APBA1: variants seen among roughly 807,000 people sequenced by gnomAD.
APBA1 encodes amyloid-beta A4 precursor protein-binding family A member 1.
APBA1 carries 55 observed loss-of-function variants against 86.6 expected under a neutral mutation model. The ratio of observed to expected loss-of-function variants is 0.64; its 90% CI spans 0.51 to 0.80. APBA1 has a LOEUF of 0.80. APBA1 is among the 30% of genes least tolerant of loss of function. APBA1 has a pLI of 0.00. For synonymous variants in APBA1, 511 were observed against 493.9 expected (o/e 1.03, Z -0.46); for missense variants, 1,090 against 1,183.0 (o/e 0.92, Z 1.15).
chr9:69,568,055 G>T (rs1016658532), intron 1 of APBA1, among the ~76,000 whole-genome samples: 1 of 152,164 alleles, frequency 6.6e-6, no homozygotes, highest in Non-Finnish European at 1.5e-5. Context: ...GTAAGTATGA[G>T]AAATGACATA....
intron 1 of APBA1, among the ~76,000 whole-genome samples, chr9:69,538,207 A>G (rs1288436284): frequency 1.3e-5 from 2 of 152,246 alleles, no homozygotes; most frequent in Non-Finnish European, 2.9e-5. Context: ...TCTAAAATCA[A>G]TTTAAGCAAT....
intron 1 of APBA1, among the ~76,000 whole-genome samples, chr9:69,548,408 G>C (rs1019364218): frequency 1.3e-5 from 2 of 152,256 alleles, no homozygotes; most frequent in East Asian, 3.9e-4. Context: ...TAAGATAATA[G>C]GTTTTTGTTG....
intron 11 of APBA1, among the ~76,000 whole-genome samples, chr9:69,433,297 A>C (rs922811873): frequency 3.9e-5 from 6 of 152,220 alleles, no homozygotes; most frequent in African/African-American, 7.2e-5. Context: ...GGCGGGGCTG[A>C]TGCGCCCTCC....
chr9:69,585,403 A>G (rs186192803), intron 1 of APBA1, among the ~76,000 whole-genome samples: 8 of 152,316 alleles, frequency 5.3e-5, no homozygotes, highest in Admixed American at 4.6e-4. Flanking sequence ...GGCTCAAGGA[A>G]AGGGGTGTGT....
chr9:69,534,867 A>G (rs1836485215), intron 1 of APBA1, among the ~76,000 whole-genome samples: 1 of 152,172 alleles, frequency 6.6e-6, no homozygotes, highest in African/African-American at 2.4e-5. Context: ...ATGAGGATAT[A>G]GCTCACTTAA....
At chr9:69,654,112 CA>C (rs34666773) in intron 1 of APBA1, among the ~76,000 whole-genome samples, 17,131 of 60,250 alleles carry the variant, frequency 0.28, 597 homozygotes, top group South Asian at 0.33. Context: ...AACTCCATCT[CA>C]AAAAAAAAAA....
At chr9:69,443,952 G>A (rs548459192) in intron 10 of APBA1, among the ~76,000 whole-genome samples, 269 of 152,170 alleles carry the variant, frequency 1.8e-3, no homozygotes, top group Non-Finnish European at 3.1e-3. Flanking sequence ...ATTTTCCTAC[G>A]TGGCAAGAGT....
chr9:69,512,056 TA>T (rs1836055686), intron 2 of APBA1, among the ~76,000 whole-genome samples: 1 of 149,238 alleles, frequency 6.7e-6, no homozygotes, highest in African/African-American at 2.5e-5. Context: ...ACATGTACCC[TA>T]AAACTTAAAG....
intron 1 of APBA1, among the ~76,000 whole-genome samples, chr9:69,523,510 T>C (rs1444430144): frequency 8.2e-4 from 26 of 31,742 alleles, no homozygotes; most frequent in African/African-American, 1.9e-3. Context: ...TATATATATA[T>C]ATATATATAT....
chr9:69,607,094 C>A lies in APBA1; in HGVS notation c.-70+65059G>T, dbSNP rs181736891. On this transcript the variant is annotated intron_variant, in intron 1 of 12. Coordinates refer to ENST00000265381, the MANE Select transcript of APBA1 (RefSeq NM_001163.4). ...CAGCCTTTAGTTTGTCTGTTATTAT[C>A]TCTTTGGGTTGAAAGAAGAGAAGCA... Among the ~76,000 whole-genome samples, 90 of 152,248 alleles carry A rather than the reference C, an allele frequency of 5.9e-4. 1 individual carries two copies. Among genetic ancestry groups the A allele is most frequent in the Middle Eastern group, 3.4e-3 (1 of 294 alleles).
chr9:69,591,786 G>A (rs557390275), intron 1 of APBA1, among the ~76,000 whole-genome samples: 1 of 152,218 alleles, frequency 6.6e-6, no homozygotes, highest in Non-Finnish European at 1.5e-5. Flanking sequence ...CTAAGCCACT[G>A]CCTTGAGAGA....
intron 1 of APBA1, among the ~76,000 whole-genome samples, chr9:69,636,364 C>T (rs980453046): frequency 4.6e-5 from 7 of 152,144 alleles, no homozygotes; most frequent in African/African-American, 7.2e-5. Context: ...TAAAAATATA[C>T]TTACCATATG....
intron 1 of APBA1, among the ~76,000 whole-genome samples, chr9:69,597,834 T>C (rs962552570): frequency 3.9e-5 from 6 of 152,200 alleles, no homozygotes; most frequent in African/African-American, 1.4e-4. Context: ...ACACTGTTGG[T>C]GGGACTGTAA....
At chr9:69,625,256 G>A (rs1822906001) in intron 1 of APBA1, among the ~76,000 whole-genome samples, 2 of 152,162 alleles carry the variant, frequency 1.3e-5, no homozygotes, top group Non-Finnish European at 2.9e-5. Context: ...TTTGTTCAAA[G>A]TCTGTATATT....
intron 10 of APBA1, among the ~76,000 whole-genome samples, 166 bp from the exon 11 acceptor site, chr9:69,441,281 G>T (rs554081955): frequency 6.6e-6 from 1 of 152,174 alleles, no homozygotes; most frequent in African/African-American, 2.4e-5. Flanking sequence ...GTCACTGCTC[G>T]GCTTCACCTA....
intron 1 of APBA1, among the ~76,000 whole-genome samples, chr9:69,558,561 C>CACACACATAT (rs1554701130): frequency 2.8e-5 from 4 of 142,818 alleles, no homozygotes; most frequent in African/African-American, 1.1e-4. Flanking sequence ...CACACACACA[C>CACACACATAT]ATATATATAT....
At chr9:69,464,748 C>T (rs113358627) in intron 5 of APBA1, 36 of 152,276 alleles carry the variant, frequency 2.4e-4, no homozygotes, top group African/African-American at 7.7e-4. Context: ...ATGCTGTGTA[C>T]CCCGAACATT....
chr9:69,542,105 T>C (rs533017128), intron 1 of APBA1, among the ~76,000 whole-genome samples: 5 of 152,210 alleles, frequency 3.3e-5, no homozygotes, highest in Non-Finnish European at 7.3e-5. Flanking sequence ...TTAATGACTA[T>C]GTTCAGAGCA....
intron 1 of APBA1, among the ~76,000 whole-genome samples, chr9:69,650,535 C>G (rs1823478711): frequency 2.0e-5 from 3 of 152,102 alleles, no homozygotes; most frequent in Admixed American, 2.0e-4. Context: ...TCAGATAAAA[C>G]AAACAAAATA....
Sources: gnomAD v4.1 joint callset for allele counts (sites outside exome capture counted in the v4.1 genomes callset) on GRCh38, gnomAD v4.1.1 for gene constraint, MANE v1.5 for transcripts, NCBI Gene and HGNC (gene_info 2026-07-23, HGNC 2026-07-21) for gene names.